Variants in MESD observed in about 807,000 individuals in gnomAD.
MESD encodes the protein mesoderm development LRP chaperone.
Under a neutral mutation model 12.9 loss-of-function variants are expected in MESD, and 7 were observed. The ratio of observed to expected loss-of-function variants is 0.54; its 90% CI spans 0.31 to 1.02. The LOEUF is 1.02. MESD is among the 50% of genes least tolerant of loss of function. The probability of loss-of-function intolerance (pLI) is 0.05; values close to 1 mark genes in which losing one functional copy is unlikely to be tolerated. For missense variants in MESD, 342 were observed against 296.7 expected (o/e 1.15, Z -1.12); for synonymous variants, 126 against 115.6 (o/e 1.09, Z -0.58).
intron 3 of MESD, among the ~76,000 whole-genome samples, chr15:80,969,163 G>A (rs970216359): frequency 5.3e-5 from 8 of 152,214 alleles, no homozygotes; most frequent in Admixed American, 4.6e-4. Flanking sequence ...GCACTCCAGC[G>A]TGAGCAACAG....
At chr15:80,948,722 G>A (rs1248982848) in exon 5 of MESD, 1 of 1,604,140 alleles carries the variant, frequency 6.2e-7, no homozygotes, top group Non-Finnish European at 8.5e-7. Flanking sequence ...GCTGGCGATG[G>A]GGAGCCATGG....
At chr15:80,948,362 A>T in exon 5 of MESD, 1 of 293,844 alleles carries the variant, frequency 3.4e-6, no homozygotes, top group Non-Finnish European at 6.8e-6. Flanking sequence ...TTCTAGAGCC[A>T]CAGAGTGATA....
rs755585515 is a variant in MESD at position 80,989,701 on chromosome 15, A to C, written c.91T>G (p.Ser31Ala). 3 of 1,611,804 alleles carry C rather than the reference A, an allele frequency of 1.9e-6. No homozygotes were observed. Among genetic ancestry groups the C allele is most frequent in the Non-Finnish European group, 2.5e-6 (3 of 1,179,980 alleles). ...CCGGGCGAGCCTTCGGCCGCGCAGG[A>C]CCCAGGCGGTGGTAGCAGTAGCAGC... ...LLLLLLPPPGSCAAEGSPGTP... is the reference protein window; with the variant it reads ...LLLLLLPPPGACAAEGSPGTP... The change falls in exon 1 of 3, where the codon TCC becomes GCC. Residue 31 changes from serine to alanine, a missense_variant. Ser to Ala is a moderately conservative substitution (Grantham distance 99). Coordinates refer to ENST00000261758, the MANE Select transcript of MESD (RefSeq NM_015154.3).
intron 3 of MESD, among the ~76,000 whole-genome samples, chr15:80,962,013 G>A (rs1402801494): frequency 1.3e-5 from 2 of 152,122 alleles, no homozygotes; most frequent in African/African-American, 4.8e-5. Context: ...ATGTAAATGG[G>A]CTAAATGCCC....
At chr15:80,956,329 G>A (rs1288998697) in intron 3 of MESD, among the ~76,000 whole-genome samples, 3 of 152,188 alleles carry the variant, frequency 2.0e-5, no homozygotes, top group South Asian at 2.1e-4. Flanking sequence ...ATCGGAAGGC[G>A]TCCAACTGCT....
exon 5 of MESD, chr15:80,947,552 C>T (rs1160684631): frequency 6.1e-6 from 1 of 163,298 alleles, no homozygotes; most frequent in Non-Finnish European, 1.3e-5. Flanking sequence ...CAAGGCCAGG[C>T]AGCTTCGGTG....
chr15:80,954,870 G>A (rs1322312482), intron 3 of MESD, among the ~76,000 whole-genome samples: 2 of 152,142 alleles, frequency 1.3e-5, no homozygotes, highest in African/African-American at 4.8e-5. Context: ...ATCAGCTATC[G>A]TTAAGTGTTA....
rs1902600376 is a variant in MESD at position 80,982,183 on chromosome 15, C to T, written c.214-1G>A. On this transcript the variant is annotated splice_acceptor_variant, in intron 1 of 2. Transcript: ENST00000261758. LOFTEE classifies it high-confidence loss of function. The stretch of plus-strand genomic sequence containing the variant: ...CTCCTTCTTCAATGTCATCATCTTT[C>T]TATCAGATTAGGGGAAAAGCATCAA... 3 of 1,612,792 alleles carry T rather than the reference C, an allele frequency of 1.9e-6. No individual in the cohort carries two copies. The highest frequency in any genetic ancestry group is 2.5e-6 in the Non-Finnish European group (3 of 1,178,968).
rs113155944 is a variant in MESD at position 80,985,525 on chromosome 15, T to C, written c.214-3343A>G. Among the ~76,000 whole-genome samples, 4 of 152,276 alleles carry C rather than the reference T, an allele frequency of 2.6e-5. 1 individual carries two copies. The highest frequency in any genetic ancestry group is 9.6e-5 in the African/African-American group (4 of 41,542). On this transcript the variant is annotated intron_variant, in intron 1 of 2. Coordinates refer to ENST00000261758, the MANE Select transcript of MESD (RefSeq NM_015154.3). ...TCTTAATTCTCCATAACATCGGTTATAGTCTCTTTAAAACACTTCAAGACT... is the reference window on the plus strand; with the variant it reads ...TCTTAATTCTCCATAACATCGGTTACAGTCTCTTTAAAACACTTCAAGACT...
At chr15:80,959,747 G>A (rs1902053263) in intron 3 of MESD, among the ~76,000 whole-genome samples, 1 of 152,142 alleles carries the variant, frequency 6.6e-6, no homozygotes, top group Non-Finnish European at 1.5e-5. Context: ...TGGAAGAAGT[G>A]GAGAGAAAAA....
At chr15:80,948,139 C>T (rs1901642980) in exon 5 of MESD, 1 of 157,572 alleles carries the variant, frequency 6.3e-6, no homozygotes, top group African/African-American at 2.4e-5. Context: ...GTAAGGTGAC[C>T]TAAGTTGAAT....
intron 3 of MESD, among the ~76,000 whole-genome samples, chr15:80,965,761 C>T: frequency 6.6e-6 from 1 of 152,098 alleles, no homozygotes; most frequent in East Asian, 1.9e-4. Flanking sequence ...AATGAGAACA[C>T]ATGGACACAG....
intron 3 of MESD, among the ~76,000 whole-genome samples, chr15:80,959,513 G>C (rs535259728): frequency 6.6e-6 from 1 of 152,200 alleles, no homozygotes; most frequent in African/African-American, 2.4e-5. Flanking sequence ...GGTTTCACCA[G>C]TATTCAGCTA....
At chr15:80,946,432 CTCTAGAACCTTCAGGA>C (rs921644193), downstream of MESD, 7 of 161,078 alleles carry the variant, frequency 4.3e-5, no homozygotes, top group African/African-American at 1.4e-4. Flanking sequence ...TGGAGCTGGT[CTCTAGAACCTTCAGGA>C]TCTAGAACCT....
intron 3 of MESD, among the ~76,000 whole-genome samples, chr15:80,955,215 G>A (rs1340407778): frequency 6.6e-6 from 1 of 151,950 alleles, no homozygotes; most frequent in African/African-American, 2.4e-5. Context: ...GCCGGGCGCG[G>A]TGGCTCAAGC....
intron 3 of MESD, among the ~76,000 whole-genome samples, chr15:80,963,279 G>A (rs1902119954): frequency 6.6e-6 from 1 of 152,152 alleles, no homozygotes; most frequent in African/African-American, 2.4e-5. Flanking sequence ...ACTAAACCAG[G>A]AAGAAGTTGA....
intron 3 of MESD, among the ~76,000 whole-genome samples, chr15:80,960,245 G>A (rs1409583845): frequency 6.6e-6 from 1 of 151,988 alleles, no homozygotes; most frequent in Non-Finnish European, 1.5e-5. Context: ...CCCACCTGTA[G>A]TGCCAGCTAC....
intron 1 of MESD, among the ~76,000 whole-genome samples, chr15:80,985,793 A>C (rs535954706): frequency 2.0e-5 from 3 of 152,016 alleles, no homozygotes; most frequent in African/African-American, 7.2e-5. Context: ...CTGGGACCAC[A>C]AGTGCATGCC....
At position 80,978,867 on chromosome 15, in the gene MESD, C is replaced by T; in HGVS notation, c.*352G>A. 1 of 304,530 alleles carries T rather than the reference C, an allele frequency of 3.3e-6. No homozygotes were observed. Among genetic ancestry groups the T allele is most frequent in the East Asian group, 7.2e-5 (1 of 13,814 alleles). 18.9% of individuals were successfully genotyped at this position (304,530 alleles called of 1,614,324 possible). ...ATCAGAATTTGCTATCTGATCAGAG[C>T]AGGCCACCCAATCACAGCAGGTGCT... is the stretch of plus-strand genomic sequence containing the variant. On this transcript the variant is annotated 3_prime_UTR_variant, in exon 3 of 3. Coordinates refer to ENST00000261758, the MANE Select transcript of MESD (RefSeq NM_015154.3).
Sources: gnomAD v4.1 joint callset for allele counts (sites outside exome capture counted in the v4.1 genomes callset) on GRCh38, gnomAD v4.1.1 for gene constraint, MANE v1.5 for transcripts, NCBI Gene and HGNC (gene_info 2026-07-23, HGNC 2026-07-21) for gene names.